Variants in WWOX observed in about 807,000 individuals in gnomAD.
WWOX encodes WW domain containing oxidoreductase.
In WWOX, 69 loss-of-function variants were observed where a neutral mutation model predicts 46.2. That is an observed-to-expected ratio of 1.49 (90% CI 1.23 to 1.82). The LOEUF is 1.82. Ranked by LOEUF, WWOX falls within the 40% of genes most tolerant of loss-of-function variation. The pLI is 0.00. For missense variants in WWOX, 919 were observed against 542.6 expected, an observed-to-expected ratio of 1.69 and a Z score of -6.89; for synonymous variants, 359 against 202.6, an observed-to-expected ratio of 1.77 and a Z score of -6.56.
intron 4 of WWOX, among the ~76,000 whole-genome samples, chr16:78,136,823 T>C (rs1024753697): frequency 1.3e-5 from 2 of 152,144 alleles, no homozygotes; most frequent in Non-Finnish European, 2.9e-5. Flanking sequence ...AGAATATGTA[T>C]AGCTGTGTGA....
At position 78,239,255 on chromosome 16, in the gene WWOX, T is replaced by C. The variant is rs568632933; in HGVS notation, c.516+74966T>C. Among the ~76,000 whole-genome samples the C allele has an allele frequency of 5.3e-5, 8 of 152,268 alleles. No individual in the cohort carries two copies. The East Asian group carries it at 1.6e-3, about 30-fold the overall frequency. On this transcript the variant is annotated intron_variant, in intron 5 of 8. Coordinates refer to ENST00000566780, the MANE Select transcript of WWOX (RefSeq NM_016373.4). Reference sequence around the variant, plus strand: ...TGTGGCATCCCCTGAGTCTAAGCTGTTGACCAGCTCTTGATGGACAGATGC... The same window carrying C: ...TGTGGCATCCCCTGAGTCTAAGCTGCTGACCAGCTCTTGATGGACAGATGC...
chr16:78,395,273 C>G (rs1008676280), intron 6 of WWOX, among the ~76,000 whole-genome samples: 2 of 152,184 alleles, frequency 1.3e-5, no homozygotes, highest in African/African-American at 4.8e-5. Flanking sequence ...TATCCCAGCA[C>G]TTTGGGAGGC....
chr16:78,879,524 C>T (rs1043943055), intron 8 of WWOX, among the ~76,000 whole-genome samples: 2 of 152,038 alleles, frequency 1.3e-5, no homozygotes, highest in African/African-American at 4.8e-5. Context: ...AAAATTTGGC[C>T]TTTGGCCTCG....
At chr16:79,039,475 G>A (rs550256073) in intron 8 of WWOX, among the ~76,000 whole-genome samples, 23 of 152,246 alleles carry the variant, frequency 1.5e-4, no homozygotes, top group Middle Eastern at 6.8e-3. Flanking sequence ...AACCAGAGGC[G>A]ACGCATTTGC....
intron 8 of WWOX, among the ~76,000 whole-genome samples, chr16:78,806,950 C>G (rs965319734): frequency 6.6e-6 from 1 of 152,234 alleles, no homozygotes; most frequent in African/African-American, 2.4e-5. Flanking sequence ...AATCCTACCT[C>G]TGCCTCTTAC....
chr16:79,170,263 G>A (rs2050674745), intron 8 of WWOX, among the ~76,000 whole-genome samples: 1 of 152,178 alleles, frequency 6.6e-6, no homozygotes, highest in Non-Finnish European at 1.5e-5. Flanking sequence ...CCACAAAACT[G>A]ATAGTGTCAT....
At chr16:78,949,793 A>T (rs895606970) in intron 8 of WWOX, among the ~76,000 whole-genome samples, 1 of 152,228 alleles carries the variant, frequency 6.6e-6, no homozygotes. Flanking sequence ...CAATGCGTGC[A>T]TCCTACATTG....
chr16:78,258,187 A>G (rs1422540037), intron 5 of WWOX, among the ~76,000 whole-genome samples: 1 of 152,206 alleles, frequency 6.6e-6, no homozygotes, highest in East Asian at 1.9e-4. Context: ...TAAAAATCAT[A>G]TTAGCCACTT....
chr16:78,105,727 G>C lies in WWOX; in HGVS notation c.108-2696G>C, dbSNP rs139545293. Among the ~76,000 whole-genome samples the C allele has an allele frequency of 2.3e-3, 354 of 152,288 alleles. 2 individuals carry two copies. The highest frequency in any genetic ancestry group is 8.2e-3 in the African/African-American group (340 of 41,562). Reference sequence around the variant, plus strand: ...GAGGGCCCAGCTTCACCTTCTAAGGGCTGGGAGGCTCTTTCTATGCCAGCC... The same window carrying C: ...GAGGGCCCAGCTTCACCTTCTAAGGCCTGGGAGGCTCTTTCTATGCCAGCC... On this transcript the variant is annotated intron_variant, in intron 1 of 8. Coordinates refer to ENST00000566780, the MANE Select transcript of WWOX (RefSeq NM_016373.4).
In WWOX at chr16:79,211,463, C is replaced by A; in HGVS notation, c.1057-145C>A. ...TATACTTTTTACAGTCATGTGCTTT[C>A]AGCCCAGTACCCTTTGCTATGCCAA... On this transcript the variant is annotated intron_variant, in intron 8 of 8. Transcript: ENST00000566780. The A allele has an allele frequency of 6.0e-6, 6 of 999,348 alleles. 1 individual carries two copies. The highest frequency in any genetic ancestry group is 5.6e-5 in the South Asian group (4 of 71,540). The allele number at this position is 999,348 out of a possible 1,614,324, so 61.9% of individuals were successfully genotyped here.
At chr16:78,326,581 C>A (rs34949304) in intron 5 of WWOX, among the ~76,000 whole-genome samples, 3,913 of 94,354 alleles carry the variant, frequency 0.041, 880 homozygotes, top group African/African-American at 0.12. Context: ...CCCCCCGCCC[C>A]CCCCCCCCGC....
intron 5 of WWOX, among the ~76,000 whole-genome samples, chr16:78,327,050 G>A (rs1329614598): frequency 3.3e-5 from 5 of 152,024 alleles, no homozygotes; most frequent in Admixed American, 6.6e-5. Context: ...TCAGCACTGC[G>A]CTGGGCACTG....
intron 8 of WWOX, among the ~76,000 whole-genome samples, chr16:78,797,987 C>CT (rs755801854): frequency 2.6e-5 from 4 of 152,146 alleles, no homozygotes; most frequent in Non-Finnish European, 4.4e-5. Flanking sequence ...GACCCTGTCT[C>CT]TAAAAACAAA....
At chr16:79,096,685 C>T (rs554215715) in intron 8 of WWOX, among the ~76,000 whole-genome samples, 1 of 152,280 alleles carries the variant, frequency 6.6e-6, no homozygotes, top group East Asian at 1.9e-4. Context: ...AGTTACTTAC[C>T]CATTTTGCTT....
At chr16:78,894,020 T>TTTGTTATTATTA (rs1555561420) in intron 8 of WWOX, among the ~76,000 whole-genome samples, 1 of 140,080 alleles carries the variant, frequency 7.1e-6, no homozygotes, top group Non-Finnish European at 1.5e-5. Context: ...TATTGAGGCT[T>TTTGTTATTATTA]TTATTATTAT....
At chr16:78,729,723 G>C (rs917315797) in intron 8 of WWOX, among the ~76,000 whole-genome samples, 1 of 152,166 alleles carries the variant, frequency 6.6e-6, no homozygotes, top group South Asian at 2.1e-4. Flanking sequence ...GTGGTAATTT[G>C]TTACAGCAGA....
intron 8 of WWOX, among the ~76,000 whole-genome samples, chr16:78,874,108 T>C (rs58387406): frequency 2.0e-5 from 3 of 146,948 alleles, no homozygotes; most frequent in Admixed American, 1.4e-4. Flanking sequence ...AAAAAAAAAA[T>C]AGCTGGGCAT....
At chr16:78,171,313 A>G (rs369090574) in intron 5 of WWOX, among the ~76,000 whole-genome samples, 19 of 152,196 alleles carry the variant, frequency 1.2e-4, no homozygotes, top group East Asian at 3.9e-4. Flanking sequence ...GCAAAACTCC[A>G]CCTACTTTTA....
At chr16:78,715,278 C>G (rs1011251426) in intron 8 of WWOX, among the ~76,000 whole-genome samples, 1 of 152,158 alleles carries the variant, frequency 6.6e-6, no homozygotes, top group African/African-American at 2.4e-5. Flanking sequence ...GAATAAGAAG[C>G]TGAGAGGGAG....
Sources: allele counts gnomAD v4.1 joint callset (sites outside exome capture counted in the v4.1 genomes callset), GRCh38; gene constraint gnomAD v4.1.1; transcripts MANE v1.5; gene names NCBI Gene and HGNC (gene_info 2026-07-23, HGNC 2026-07-21).